TAFA2: variants seen among roughly 807,000 people sequenced by gnomAD.
TAFA2 encodes TAFA chemokine like family member 2, also known as chemokine-like protein TAFA-2.
TAFA2 carries 7 observed loss-of-function variants against 18.8 expected under a neutral mutation model. That is an observed-to-expected ratio of 0.37 (90% CI 0.21 to 0.70). The LOEUF is 0.70. TAFA2 is among the 30% of genes least tolerant of loss of function. TAFA2 has a pLI of 0.53. For missense variants in TAFA2, 122 were observed against 158.1 expected (o/e 0.77, Z 1.23); for synonymous variants, 60 against 54.2 (o/e 1.11, Z -0.47).
chr12:62,083,565 TG>T (rs1229999094), intron 1 of TAFA2, among the ~76,000 whole-genome samples: 1 of 152,192 alleles, frequency 6.6e-6, no homozygotes, highest in Non-Finnish European at 1.5e-5. Flanking sequence ...AATTTGAGCC[TG>T]AACAATACTT....
chr12:61,813,441 T>A (rs1178646138), intron 2 of TAFA2, among the ~76,000 whole-genome samples: 3 of 151,464 alleles, frequency 2.0e-5, no homozygotes, highest in Non-Finnish European at 4.4e-5. Context: ...TGCCTCTAAA[T>A]TAATTTTTGG....
intron 4 of TAFA2, among the ~76,000 whole-genome samples, chr12:61,751,974 C>A (rs529830056): frequency 1.3e-5 from 2 of 151,734 alleles, no homozygotes; most frequent in Admixed American, 6.6e-5. Flanking sequence ...AAGAACTATA[C>A]GATATTTTTA....
intron 1 of TAFA2, among the ~76,000 whole-genome samples, chr12:61,895,052 T>C (rs1297352322): frequency 2.6e-5 from 4 of 152,144 alleles, no homozygotes; most frequent in Non-Finnish European, 4.4e-5. Flanking sequence ...CAGAGCAAAA[T>C]TGAAGTTCCA....
chr12:61,783,207 C>G (rs1163283676), intron 2 of TAFA2, among the ~76,000 whole-genome samples: 1 of 151,414 alleles, frequency 6.6e-6, no homozygotes, highest in East Asian at 2.0e-4. Context: ...AAAGATCAAT[C>G]AGAAATAGAA....
At chr12:61,724,075 A>G (rs1279866046) in intron 4 of TAFA2, among the ~76,000 whole-genome samples, 1 of 152,082 alleles carries the variant, frequency 6.6e-6, no homozygotes, top group Non-Finnish European at 1.5e-5. Context: ...GCATGCAATC[A>G]CTTATGTGCA....
At chr12:62,079,536 T>A (rs1868288291) in intron 1 of TAFA2, among the ~76,000 whole-genome samples, 1 of 151,330 alleles carries the variant, frequency 6.6e-6, no homozygotes, top group Admixed American at 6.6e-5. Flanking sequence ...TAGTGGCATG[T>A]GCCTGTACTC....
intron 1 of TAFA2, among the ~76,000 whole-genome samples, chr12:61,870,422 A>G (rs577089044): frequency 4.1e-4 from 63 of 152,326 alleles, no homozygotes; most frequent in Non-Finnish European, 7.6e-4. Flanking sequence ...GACTAAATGT[A>G]ATGCATTCTC....
intron 1 of TAFA2, among the ~76,000 whole-genome samples, chr12:61,885,796 T>C (rs1875349226): frequency 6.6e-6 from 1 of 152,194 alleles, no homozygotes; most frequent in Admixed American, 6.5e-5. Flanking sequence ...GCCAGTGACG[T>C]GAGTGTCGGT....
intron 1 of TAFA2, among the ~76,000 whole-genome samples, chr12:62,100,501 A>G (rs1443790669): frequency 1.3e-5 from 2 of 152,178 alleles, no homozygotes; most frequent in Admixed American, 6.6e-5. Flanking sequence ...TTCTAAATAT[A>G]GACTCCAGCA....
chr12:61,944,252 C>T (rs1390485619), intron 1 of TAFA2, among the ~76,000 whole-genome samples: 2 of 150,816 alleles, frequency 1.3e-5, no homozygotes, highest in South Asian at 2.1e-4. Flanking sequence ...TTCTTTGAAA[C>T]CAACGAGAAC....
At chr12:61,896,801 A>G (rs905255218) in intron 1 of TAFA2, among the ~76,000 whole-genome samples, 1 of 152,088 alleles carries the variant, frequency 6.6e-6, no homozygotes, top group African/African-American at 2.4e-5. Flanking sequence ...TTTCTAAGAG[A>G]CCCTGGAACC....
At chr12:61,983,617 A>G (rs538609625) in intron 1 of TAFA2, among the ~76,000 whole-genome samples, 16 of 152,132 alleles carry the variant, frequency 1.1e-4, no homozygotes, top group African/African-American at 3.9e-4. Context: ...TGTGTTGGCC[A>G]GGATGGTCTC....
intron 1 of TAFA2, among the ~76,000 whole-genome samples, chr12:62,117,864 A>T (rs1870026948): frequency 6.6e-6 from 1 of 152,160 alleles, no homozygotes; most frequent in Non-Finnish European, 1.5e-5. Flanking sequence ...CTATTTTGGG[A>T]ACTAGTTCAT....
intron 1 of TAFA2, among the ~76,000 whole-genome samples, chr12:61,927,361 C>T (rs1401748564): frequency 6.6e-6 from 1 of 152,076 alleles, no homozygotes. Flanking sequence ...CATTCCTATA[C>T]AGCAATAACA....
chr12:62,100,642 T>C (rs1041653502), intron 1 of TAFA2, among the ~76,000 whole-genome samples: 3 of 152,206 alleles, frequency 2.0e-5, no homozygotes, highest in Admixed American at 2.0e-4. Flanking sequence ...GACCTTTCTA[T>C]AACAATGAAG....
chr12:62,038,774 G>C (rs554960461), intron 1 of TAFA2, among the ~76,000 whole-genome samples: 2 of 152,120 alleles, frequency 1.3e-5, no homozygotes, highest in Non-Finnish European at 2.9e-5. Flanking sequence ...ACAATACAAC[G>C]TTCCCAGGAA....
At chr12:61,715,652 A>G (rs1173505918) in intron 4 of TAFA2, among the ~76,000 whole-genome samples, 2 of 151,976 alleles carry the variant, frequency 1.3e-5, no homozygotes, top group African/African-American at 4.8e-5. Flanking sequence ...GCGCCCAGCC[A>G]ATCCCAGTGC....
At chr12:61,997,674 A>G (rs148153504) in intron 1 of TAFA2, among the ~76,000 whole-genome samples, 11 of 152,290 alleles carry the variant, frequency 7.2e-5, no homozygotes, top group Non-Finnish European at 1.5e-4. Context: ...AGTGAGAAAC[A>G]CTAAACAGCA....
chr12:61,907,766 G>A (rs1425366494), intron 1 of TAFA2, among the ~76,000 whole-genome samples: 1 of 152,186 alleles, frequency 6.6e-6, no homozygotes, highest in Non-Finnish European at 1.5e-5. Context: ...GATGTACCCT[G>A]CAAAGCCACA....
Sources: gnomAD v4.1 joint callset for allele counts (sites outside exome capture counted in the v4.1 genomes callset) on GRCh38, gnomAD v4.1.1 for gene constraint, MANE v1.5 for transcripts, NCBI Gene and HGNC (gene_info 2026-07-23, HGNC 2026-07-21) for gene names.